The following DBP variants were observed in gnomAD, a reference collection of about 807,000 sequenced individuals.
DBP encodes D-box binding PAR bZIP transcription factor, also known as D site-binding protein.
A neutral mutation model predicts 21.4 loss-of-function variants in DBP; 12 were observed. That is an observed-to-expected ratio of 0.56 (90% CI 0.36 to 0.91). The LOEUF (loss-of-function observed/expected upper bound fraction) is 0.91, where lower values mean the gene tolerates loss of function less well. Ranked by LOEUF, DBP falls within the 40% of genes least tolerant of loss-of-function variation. The probability of loss-of-function intolerance (pLI) is 0.01; values close to 1 mark genes in which losing one functional copy is unlikely to be tolerated. For synonymous variants in DBP, 213 were observed against 224.9 expected (o/e 0.95, Z 0.47); for missense variants, 423 against 473.4 (o/e 0.89, Z 0.99).
chr19:48,633,608 C>G lies in DBP; in HGVS notation c.598G>C (p.Glu200Gln). 6.2e-7 allele frequency: 1 copy of G among 1,614,150 alleles called. No individual in the cohort carries two copies. The highest frequency in any genetic ancestry group is 1.1e-5 in the South Asian group (1 of 91,090). ...TCGGGTTCAAAGGTCATCAACACCTCCACGGTGTCTGGGTCCACAGGGCTG... is the reference window on the plus strand; with the variant it reads ...TCGGGTTCAAAGGTCATCAACACCTGCACGGTGTCTGGGTCCACAGGGCTG... Reference protein sequence around the residue: ...TPSPVDPDTVEVLMTFEPDPA... With the variant: ...TPSPVDPDTVQVLMTFEPDPA... Residue 200 changes from glutamate to glutamine, a missense_variant, in exon 3 of 4, where the codon GAG (glutamate) becomes CAG (glutamine). By Grantham distance (29) the Glu-to-Gln change is conservative. Around this residue, in one of 4 missense-constraint regions of DBP, gnomAD observed 77 missense variants for 97.1 expected, o/e 0.79. Coordinates refer to ENST00000222122, the MANE Select transcript of DBP (RefSeq NM_001352.5).
rs1361080276 is a variant in DBP, at chr19:48,630,798, G to A, written c.*39C>T. The A allele has an allele frequency of 1.3e-6, 2 of 1,543,178 alleles. No individual in the cohort carries two copies. Among genetic ancestry groups the A allele is most frequent in the East Asian group, 4.8e-5 (2 of 41,732 alleles). ...GGAACAGGGCGTAAGTCTCAGCAAG[G>A]CGGAGGAGAGCTCCGCCAGGTGGGG... On this transcript the variant is annotated 3_prime_UTR_variant, in exon 4 of 4. Transcript: ENST00000222122. This position sits in a 1 kb window ranked among gnomAD's most constrained non-coding sequence, Gnocchi z 4.9.
intron 3 of DBP, chr19:48,633,136 G>C: frequency 1.7e-6 from 1 of 573,496 alleles, no homozygotes; most frequent in Admixed American, 3.0e-5. Context: ...TTGTAGAAAT[G>C]GGGTTTTGCC....
In DBP at chr19:48,630,538, CTCT is replaced by C. The variant is rs1195463100; in HGVS notation, c.*296_*298del. ...GCAGCCAGTATGCCAGGGAGCTGCC[CTCT>C]TCTTCCACAACAGCTGGCTCTGGGG... On this transcript the variant is annotated 3_prime_UTR_variant, in exon 4 of 4. Coordinates refer to ENST00000222122, the MANE Select transcript of DBP (RefSeq NM_001352.5). This position sits in a 1 kb window ranked among gnomAD's most constrained non-coding sequence, Gnocchi z 4.9. 7.2e-6 allele frequency: 11 copies of C among 1,535,180 alleles called. No individual in the cohort carries two copies. Among genetic ancestry groups the C allele is most frequent in the East Asian group, 2.4e-5 (1 of 40,984 alleles).
chr19:48,634,192 A>T (rs2030698442), intron 2 of DBP: 1 of 161,674 alleles, frequency 6.2e-6, no homozygotes, highest in Non-Finnish European at 1.4e-5. Context: ...AAACAAGGAA[A>T]CTGAGTCCCA....
rs954330386 is a variant in DBP, at chr19:48,637,299, C to A, written c.-305G>T. The A allele has an allele frequency of 1.4e-5, 5 of 345,924 alleles. No homozygotes were observed. Among genetic ancestry groups the A allele is most frequent in the Non-Finnish European group, 1.6e-5 (3 of 191,650 alleles). 21.4% of individuals were successfully genotyped at this position (345,924 alleles called of 1,614,324 possible). ...GAGGGGACTCAAGGCGCTCCTTCTA[C>A]AAGGTGGGCGAGCCTGGCTCTTGCA... On this transcript the variant is annotated 5_prime_UTR_variant, in exon 1 of 4. Coordinates refer to ENST00000222122, the MANE Select transcript of DBP (RefSeq NM_001352.5).
intron 3 of DBP, 77 bp from the exon 4 acceptor site, chr19:48,631,129 G>A: frequency 7.4e-7 from 1 of 1,357,348 alleles, no homozygotes; most frequent in Non-Finnish European, 1.0e-6. Flanking sequence ...AGCCCCAGCA[G>A]CGGGGCCTAA....
At chr19:48,636,320 G>A (rs1212881616) in intron 1 of DBP, among the ~76,000 whole-genome samples, 1 of 152,082 alleles carries the variant, frequency 6.6e-6, no homozygotes, top group Non-Finnish European at 1.5e-5. Context: ...TAGGTGGAGG[G>A]TTGGGCAGGT....
chr19:48,634,130 T>G, intron 2 of DBP: 1 of 173,468 alleles, frequency 5.8e-6, no homozygotes, highest in South Asian at 1.1e-4. Context: ...AAATGAAGGT[T>G]CCCCTAAGCC....
rs866905766 is a variant in DBP at position 48,635,930 on chromosome 19, C to T, written c.200G>A (p.Gly67Asp). The T allele has an allele frequency of 1.3e-6, 2 of 1,515,820 alleles. No homozygotes were observed. The highest frequency in any genetic ancestry group is 1.8e-6 in the Non-Finnish European group (2 of 1,140,112). 93.9% of individuals were successfully genotyped at this position (1,515,820 alleles called of 1,614,324 possible). The change falls in exon 2 of 4, where the codon GGC (glycine) becomes GAC (aspartate). Residue 67 changes from glycine (G) to aspartate (D), a missense_variant. This residue lies in a region of DBP where 283 missense variants were observed against 273.7 expected (regional missense o/e 1.03). Transcript: ENST00000222122. ...ATCCGCCGGGCCCGCAGTCTCCAGG[C>T]CTGGCCCAGGGGTTGTGGCTGCAGG... ...ALPAATTPGP[G>D]LETAGPADAP...
At chr19:48,633,843 G>A in intron 2 of DBP, 188 bp from the exon 3 acceptor site, 3 of 602,320 alleles carry the variant, frequency 5.0e-6, no homozygotes, top group Non-Finnish European at 8.8e-6. Context: ...GCTCACGCCT[G>A]TAACCCCAGC....
Position 48,630,984 on chromosome 19 carries a change from C to T in DBP, c.831G>A (p.Arg277=), listed in dbSNP as rs754763577. Residue 277 remains arginine (R), a synonymous_variant, in exon 4 of 4, where the codon CGG becomes CGA. Transcript: ENST00000222122. This position sits in a 1 kb window ranked among gnomAD's most constrained non-coding sequence, Gnocchi z 4.9. ...GCACCGATATCTGGTTCTCCTTGAG[C>T]CGCCGGGCGTCACGGGACCGCTTGG... ...EAAKRSRDAR[R]LKENQISVRA... is the part of the protein sequence containing the mutation. 1.9e-6 allele frequency: 3 copies of T among 1,613,626 alleles called. No individual in the cohort carries two copies. Among genetic ancestry groups the T allele is most frequent in the South Asian group, 2.2e-5 (2 of 91,040 alleles).
chr19:48,630,230 C>G lies in DBP; in HGVS notation c.*607G>C. ...GCCTCCATTTAGCTGGCCAATCAGC[C>G]CAGGAGGGGCAGGTTCCCCGGGGCC... On this transcript the variant is annotated 3_prime_UTR_variant, in exon 4 of 4. Coordinates refer to ENST00000222122, the MANE Select transcript of DBP (RefSeq NM_001352.5). This position sits in a 1 kb window ranked among gnomAD's most constrained non-coding sequence, Gnocchi z 4.9. 1 of 1,278,330 alleles carries G rather than the reference C, an allele frequency of 7.8e-7. No homozygotes were observed. Among genetic ancestry groups the G allele is most frequent in the Non-Finnish European group, 9.9e-7 (1 of 1,012,842 alleles). 79.2% of individuals were successfully genotyped at this position (1,278,330 alleles called of 1,614,324 possible).
intron 2 of DBP, chr19:48,634,742 G>A: frequency 2.3e-5 from 23 of 985,558 alleles, no homozygotes; most frequent in Non-Finnish European, 2.7e-5. Context: ...GCCCTGGTTC[G>A]GCCCGGAGGT....
chr19:48,636,020 A>G, intron 1 of DBP, 30 bp from the exon 2 acceptor site: 1 of 1,483,952 alleles, frequency 6.7e-7, no homozygotes, highest in Non-Finnish European at 8.9e-7. Flanking sequence ...GGTTGGGATG[A>G]GGGTGAGGTG....
intron 2 of DBP, chr19:48,633,945 C>T (rs188460494): frequency 2.5e-4 from 103 of 414,492 alleles, no homozygotes; most frequent in Middle Eastern, 7.1e-4. Context: ...ACTAAAAGTA[C>T]GAAAATTGCC....
In DBP at chr19:48,630,196, C is replaced by T; in HGVS notation, c.*641G>A. 2 of 1,254,470 alleles carry T rather than the reference C, an allele frequency of 1.6e-6. No homozygotes were observed. Among genetic ancestry groups the T allele is most frequent in the Non-Finnish European group, 2.0e-6 (2 of 998,576 alleles). 77.7% of individuals were successfully genotyped at this position (1,254,470 alleles called of 1,614,324 possible). A position where few individuals can be genotyped will look rare whatever the true frequency, so the allele number is the denominator to read the frequency against. On this transcript the variant is annotated 3_prime_UTR_variant, in exon 4 of 4. Transcript: ENST00000222122. The surrounding 1 kb of genome is among the most constrained non-coding windows in gnomAD (Gnocchi z 4.9). ...TCAGGGCCCGCAGCCTCGCCCCATC[C>T]ACTCCGGTGCCTCCATTTAGCTGGC...
intron 2 of DBP, chr19:48,635,258 C>CT (rs1434515406): frequency 8.4e-7 from 1 of 1,189,522 alleles, no homozygotes; most frequent in African/African-American, 1.7e-5. Flanking sequence ...GTAAATAACT[C>CT]TGGTGTTCCG....
Position 48,637,014 on chromosome 19 carries a change from G to A in DBP, c.-20C>T. ...CGCCATCGCCTGGCACCTGCCCCCA[G>A]GCTCACGGGTTCATGGAGAGGCGAA... On this transcript the variant is annotated 5_prime_UTR_variant, in exon 1 of 4. Coordinates refer to ENST00000222122, the MANE Select transcript of DBP (RefSeq NM_001352.5). 1.4e-6 allele frequency: 2 copies of A among 1,476,636 alleles called. No individual in the cohort carries two copies. Among genetic ancestry groups the A allele is most frequent in the Non-Finnish European group, 1.8e-6 (2 of 1,118,440 alleles). 91.5% of individuals were successfully genotyped at this position (1,476,636 alleles called of 1,614,324 possible).
intron 2 of DBP, 173 bp downstream of exon 2, chr19:48,635,407 G>T: frequency 6.8e-7 from 1 of 1,466,662 alleles, no homozygotes; most frequent in Non-Finnish European, 9.0e-7. Context: ...ATTGGTCCCT[G>T]ACCCATTAAG....
Sources: allele counts gnomAD v4.1 joint callset (sites outside exome capture counted in the v4.1 genomes callset), GRCh38; gene constraint gnomAD v4.1.1; regional missense constraint gnomAD v4.1.1; non-coding constraint Gnocchi (gnomAD v3.1); transcripts MANE v1.5; gene names NCBI Gene and HGNC (gene_info 2026-07-23, HGNC 2026-07-21).